The following KIF20B variants were observed in gnomAD, a reference collection of about 807,000 sequenced individuals.
The protein encoded by KIF20B is kinesin family member 20B, also known as kinesin-like protein KIF20B.
In KIF20B, 188 loss-of-function variants were observed where a neutral mutation model predicts 232.5. The observed-to-expected ratio is 0.81, with a 90% CI of 0.72 to 0.91. The LOEUF (loss-of-function observed/expected upper bound fraction) is 0.91, where lower values mean the gene tolerates loss of function less well. KIF20B is among the 40% of genes least tolerant of loss of function. The pLI, the probability that KIF20B is intolerant of heterozygous loss-of-function variation, is 0.00. For synonymous variants in KIF20B, 712 were observed against 683.0 expected (o/e 1.04, Z -0.66); for missense variants, 2,154 against 2,055.9 (o/e 1.05, Z -0.92).
At chr10:89,763,343 A>T (rs1443206418) in intron 29 of KIF20B, among the ~76,000 whole-genome samples, 2 of 152,162 alleles carry the variant, frequency 1.3e-5, no homozygotes, top group Non-Finnish European at 2.9e-5. Context: ...ATATTAAAAG[A>T]TATAGCGTCC....
At chr10:89,763,656 A>G (rs1434632059) in intron 29 of KIF20B, among the ~76,000 whole-genome samples, 1 of 152,014 alleles carries the variant, frequency 6.6e-6, no homozygotes, top group Non-Finnish European at 1.5e-5. Flanking sequence ...TTCTTACTGC[A>G]GTTTCTTGAT....
intron 23 of KIF20B, among the ~76,000 whole-genome samples, chr10:89,746,769 G>C (rs945308936): frequency 6.6e-6 from 1 of 152,208 alleles, no homozygotes; most frequent in Non-Finnish European, 1.5e-5. Flanking sequence ...TACAAAACAG[G>C]TAGTTGCAAT....
intron 30 of KIF20B, 60 bp downstream of exon 30, chr10:89,768,451 T>A: frequency 9.8e-7 from 1 of 1,017,790 alleles, no homozygotes; most frequent in Non-Finnish European, 1.5e-6. Flanking sequence ...TTGTGTTCAA[T>A]TATAACTCAT....
intron 22 of KIF20B, among the ~76,000 whole-genome samples, chr10:89,745,641 C>G (rs953566184): frequency 6.6e-6 from 1 of 151,700 alleles, no homozygotes. Context: ...TGTCGCCAGG[C>G]TGGAGTACAG....
At chr10:89,712,548 C>G (rs927045453) in intron 6 of KIF20B, among the ~76,000 whole-genome samples, 4 of 152,148 alleles carry the variant, frequency 2.6e-5, no homozygotes, top group African/African-American at 9.7e-5. Context: ...AGCTGCCAAG[C>G]CTGGCCCATT....
At chr10:89,702,576 C>T (rs1023175349) in intron 1 of KIF20B, among the ~76,000 whole-genome samples, 7 of 152,070 alleles carry the variant, frequency 4.6e-5, no homozygotes, top group Admixed American at 3.9e-4. Context: ...TGTTGTAGAC[C>T]ACATTCAGAA....
chr10:89,703,164 A>G (rs1368660060), intron 1 of KIF20B, among the ~76,000 whole-genome samples: 2 of 152,198 alleles, frequency 1.3e-5, no homozygotes, highest in Non-Finnish European at 2.9e-5. Flanking sequence ...GGGCATTTCC[A>G]TGAACTCTGT....
chr10:89,714,649 C>T (rs1398991774), intron 7 of KIF20B, among the ~76,000 whole-genome samples: 1 of 152,048 alleles, frequency 6.6e-6, no homozygotes, highest in Admixed American at 6.6e-5. Flanking sequence ...TTACAGATAT[C>T]CCTTTTACTG....
At chr10:89,757,311 C>T (rs1037178887) in intron 26 of KIF20B, among the ~76,000 whole-genome samples, 5 of 151,594 alleles carry the variant, frequency 3.3e-5, no homozygotes, top group African/African-American at 1.2e-4. Context: ...ATACAAGTTC[C>T]CTTACCTGTT....
At chr10:89,712,312 G>A (rs546296646) in intron 6 of KIF20B, among the ~76,000 whole-genome samples, 16 of 151,368 alleles carry the variant, frequency 1.1e-4, no homozygotes, top group African/African-American at 3.9e-4. Flanking sequence ...GGAGTATAGC[G>A]GTATGATCAT....
rs148065279 is a variant in KIF20B, at chr10:89,705,410, A to G, written c.116A>G (p.His39Arg). ...GATGGCATTAAGCTTGATCTGTCTC[A>G]TGAATTTTCCTTAGTTGCTCCAAAT... ...NFDGIKLDLS[H>R]EFSLVAPNTE... The change falls in exon 2 of 33, where the codon CAT (histidine) becomes CGT (arginine). Residue 39 changes from histidine (H) to arginine (R), a missense_variant. Transcript: ENST00000371728. 3.8e-4 allele frequency: 613 copies of G among 1,613,980 alleles called. No homozygotes were observed. Among genetic ancestry groups the G allele is most frequent in the Non-Finnish European group, 4.9e-4 (581 of 1,179,976 alleles).
chr10:89,711,816 A>G (rs1842842511), intron 6 of KIF20B, among the ~76,000 whole-genome samples: 1 of 152,042 alleles, frequency 6.6e-6, no homozygotes, highest in Non-Finnish European at 1.5e-5. Flanking sequence ...TTGTTTTTTT[A>G]AATTTTAAAT....
chr10:89,759,582 G>C (rs761278843), intron 27 of KIF20B, among the ~76,000 whole-genome samples: 9 of 152,232 alleles, frequency 5.9e-5, no homozygotes, highest in Middle Eastern at 3.4e-3. Flanking sequence ...GTATTGTGTT[G>C]TTTAATAATA....
At position 89,714,056 on chromosome 10, in the gene KIF20B, C is replaced by G. The variant is rs1333089782; in HGVS notation, c.685C>G (p.His229Asp). The change falls in exon 7 of 33, where the codon CAT becomes GAT. Residue 229 changes from histidine to aspartate, a missense_variant. By Grantham distance (81) the His-to-Asp change is moderately conservative (BLOSUM62 -1). Transcript: ENST00000371728. The stretch of plus-strand genomic sequence containing the variant: ...ACAATCTTTTTTTTAGGTTACTGTG[C>G]ATAATGATAGTGATGATACTCTTTA... Reference protein sequence around the residue: ...LLRQIKEVTVHNDSDDTLYGS... With the variant: ...LLRQIKEVTVDNDSDDTLYGS... 6.2e-6 allele frequency: 9 copies of G among 1,440,580 alleles called. No individual in the cohort carries two copies. The Admixed American group carries it at 2.1e-4, about 33-fold the overall frequency. 89.2% of individuals were successfully genotyped at this position (1,440,580 alleles called of 1,614,324 possible). A position where few individuals can be genotyped will look rare whatever the true frequency, so the allele number is the denominator to read the frequency against.
chr10:89,734,780 A>G (rs1000599011), intron 19 of KIF20B, among the ~76,000 whole-genome samples: 3 of 152,188 alleles, frequency 2.0e-5, no homozygotes, highest in African/African-American at 7.2e-5. Flanking sequence ...TCATAACTAC[A>G]AGAGGTTTGA....
In KIF20B at chr10:89,711,128, C is replaced by G. The variant is rs1382653346; in HGVS notation, c.658C>G (p.Leu220Val). The G allele has an allele frequency of 6.5e-7, 1 of 1,544,580 alleles. No homozygotes were observed. Among genetic ancestry groups the G allele is most frequent in the Non-Finnish European group, 8.7e-7 (1 of 1,143,224 alleles). Residue 220 changes from leucine to valine, a missense_variant, in exon 6 of 33, where the codon CTT (leucine) becomes GTT (valine). Leu to Val is a conservative substitution (Grantham distance 32, BLOSUM62 1). Transcript: ENST00000371728. ...AGAAATTGCTAGCAAAAGTGCATTGCTTCGGCAAATTAAAGAGGTATGGAA... is the reference window on the plus strand; with the variant it reads ...AGAAATTGCTAGCAAAAGTGCATTGGTTCGGCAAATTAAAGAGGTATGGAA... ...KEEIASKSAL[L>V]RQIKEVTVHN...
chr10:89,749,953 T>C (rs975192657), intron 23 of KIF20B, among the ~76,000 whole-genome samples: 2 of 152,218 alleles, frequency 1.3e-5, no homozygotes, highest in Admixed American at 6.5e-5. Flanking sequence ...CTATGATTGC[T>C]CATAACTATC....
chr10:89,708,235 G>T (rs1842766655), intron 2 of KIF20B, among the ~76,000 whole-genome samples: 1 of 149,816 alleles, frequency 6.7e-6, no homozygotes, highest in African/African-American at 2.5e-5. Context: ...TTTTGAGACG[G>T]AGTTCTGCTC....
chr10:89,712,594 T>C (rs940614793), intron 6 of KIF20B, among the ~76,000 whole-genome samples: 5 of 152,170 alleles, frequency 3.3e-5, no homozygotes, highest in Non-Finnish European at 7.3e-5. Context: ...GCAAATTTTA[T>C]TAAGTCATCT....
Sources: allele counts gnomAD v4.1 joint callset (sites outside exome capture counted in the v4.1 genomes callset), GRCh38; gene constraint gnomAD v4.1.1; transcripts MANE v1.5; gene names NCBI Gene and HGNC (gene_info 2026-07-23, HGNC 2026-07-21).